The following MAP4K5 variants were observed in gnomAD, a reference collection of about 807,000 sequenced individuals.
MAP4K5 encodes mitogen-activated protein kinase kinase kinase kinase 5, also known as MAPK/ERK kinase kinase kinase 5.
Under a neutral mutation model 135.6 loss-of-function variants are expected in MAP4K5, and 82 were observed. The ratio of observed to expected loss-of-function variants is 0.60; its 90% CI spans 0.51 to 0.73. MAP4K5 has a LOEUF of 0.73. Among genes scored for constraint, MAP4K5 ranks in the 30% least tolerant of loss-of-function variants. The pLI is 0.00. For missense variants in MAP4K5, 907 were observed against 1,010.9 expected (o/e 0.90, Z 1.39); for synonymous variants, 347 against 335.0 (o/e 1.04, Z -0.39).
Position 50,445,098 on chromosome 14 carries a change from T to G in MAP4K5, c.1282A>C (p.Ile428Leu). The G allele has an allele frequency of 6.2e-7, 1 of 1,613,694 alleles. No individual in the cohort carries two copies. Among genetic ancestry groups the G allele is most frequent in the Non-Finnish European group, 8.5e-7 (1 of 1,179,710 alleles). Residue 428 changes from isoleucine (I) to leucine (L), a missense_variant, in exon 18 of 33, where the codon ATT (isoleucine) becomes CTT (leucine). By Grantham distance (5) the Ile-to-Leu change is conservative. Around this residue, in one of 3 missense-constraint regions of MAP4K5, gnomAD observed 690 missense variants for 777.4 expected, o/e 0.89. Transcript: ENST00000682126. The stretch of plus-strand genomic sequence containing the variant: ...CTTGGGCTACTCTGTCTTCTGAGAA[T>G]TTGGGGAGCTCTGCTTTCTGAATCA... ...CPDSESRAPQ[I>L]LRRQSSPSCG...
rs45551240 is a variant in MAP4K5, at chr14:50,443,706, G to A, written c.1479+23C>T. The stretch of plus-strand genomic sequence containing the variant: ...CTAAAGAGAGAAAAAACGGCAAATA[G>A]TTCACATAAAAATATTCCTTACCAG... On this transcript the variant is annotated intron_variant, in intron 20 of 32. Transcript: ENST00000682126. The A allele has an allele frequency of 8.7e-4, 1,374 of 1,571,314 alleles. 4 individuals carry two copies. The highest frequency in any genetic ancestry group is 3.6e-3 in the Middle Eastern group (21 of 5,856).
chr14:50,418,630 C>T lies in MAP4K5; in HGVS notation c.*1389G>A, dbSNP rs750822679. ...AACTTGCTGTGTAAATTGGATAGAT[C>T]TCTTAACCTTGCTAAACCCTTACTT... On this transcript the variant is annotated 3_prime_UTR_variant, in exon 33 of 33. Transcript: ENST00000682126. 4 of 152,612 alleles carry T rather than the reference C, an allele frequency of 2.6e-5. No homozygotes were observed. Among genetic ancestry groups the T allele is most frequent in the South Asian group, 2.1e-4 (1 of 4,830 alleles). 9.5% of individuals were successfully genotyped at this position (152,612 alleles called of 1,614,324 possible). A position where few individuals can be genotyped will look rare whatever the true frequency, so the allele number is the denominator to read the frequency against.
chr14:50,453,930 A>G (rs1464473643), intron 14 of MAP4K5, among the ~76,000 whole-genome samples: 2 of 152,120 alleles, frequency 1.3e-5, no homozygotes, highest in East Asian at 3.8e-4. Context: ...GTGGTCTTAG[A>G]CTGATTGGGT....
chr14:50,481,181 T>C (rs879412650), intron 6 of MAP4K5, among the ~76,000 whole-genome samples: 7 of 151,714 alleles, frequency 4.6e-5, no homozygotes, highest in Non-Finnish European at 1.0e-4. Context: ...CTGCTATGAG[T>C]GTATAATTAA....
At chr14:50,473,828 C>T (rs1186192433) in intron 9 of MAP4K5, among the ~76,000 whole-genome samples, 1 of 151,300 alleles carries the variant, frequency 6.6e-6, no homozygotes, top group Non-Finnish European at 1.5e-5. Context: ...GGTTCACGCC[C>T]TTCTCCTGCC....
chr14:50,510,488 C>T (rs979258629), intron 2 of MAP4K5, among the ~76,000 whole-genome samples: 9 of 152,134 alleles, frequency 5.9e-5, no homozygotes, highest in African/African-American at 1.9e-4. Flanking sequence ...AAAGGCTGTG[C>T]CACATGGTAG....
At chr14:50,462,832 T>G (rs978934541) in intron 12 of MAP4K5, 51 bp from the exon 13 acceptor site, 24 of 1,008,728 alleles carry the variant, frequency 2.4e-5, no homozygotes, top group Non-Finnish European at 3.8e-5. Flanking sequence ...CATCTATGGC[T>G]TAAAGAAAAT....
chr14:50,525,508 T>C (rs1595549172), intron 2 of MAP4K5, among the ~76,000 whole-genome samples: 1 of 152,144 alleles, frequency 6.6e-6, no homozygotes, highest in Non-Finnish European at 1.5e-5. Flanking sequence ...GTAAAATCCT[T>C]ACACTACACT....
At chr14:50,503,257 A>C (rs1353609881) in intron 3 of MAP4K5, among the ~76,000 whole-genome samples, 1 of 152,128 alleles carries the variant, frequency 6.6e-6, no homozygotes, top group Non-Finnish European at 1.5e-5. Flanking sequence ...AGGCAACCAA[A>C]AAAATTTTTA....
upstream of MAP4K5, among the ~76,000 whole-genome samples, chr14:50,536,305 A>G: frequency 6.6e-6 from 1 of 152,084 alleles, no homozygotes; most frequent in Non-Finnish European, 1.5e-5. Context: ...GCATGGTGGT[A>G]CATGCCTGTA....
intron 3 of MAP4K5, among the ~76,000 whole-genome samples, chr14:50,499,200 G>A (rs1013703780): frequency 6.6e-6 from 1 of 151,538 alleles, no homozygotes; most frequent in Non-Finnish European, 1.5e-5. Context: ...TAAGACAACA[G>A]TGCTTCAAAC....
intron 9 of MAP4K5, 23 bp downstream of exon 9, chr14:50,475,054 A>G: frequency 6.3e-7 from 1 of 1,586,184 alleles, no homozygotes; most frequent in Non-Finnish European, 8.7e-7. Flanking sequence ...AATGGATCAA[A>G]TTCAATCACA....
intron 1 of MAP4K5, among the ~76,000 whole-genome samples, chr14:50,555,641 T>C (rs1287807103): frequency 6.6e-6 from 1 of 152,194 alleles, no homozygotes. Flanking sequence ...GCTCAGATTA[T>C]TTCATAAGAC....
chr14:50,524,114 T>C (rs534149530), intron 2 of MAP4K5, among the ~76,000 whole-genome samples: 3 of 152,360 alleles, frequency 2.0e-5, no homozygotes, highest in East Asian at 3.9e-4. Flanking sequence ...TAGAATTCCA[T>C]CTCTAAACTC....
chr14:50,545,825 G>A (rs374514102), intron 1 of MAP4K5, among the ~76,000 whole-genome samples: 13 of 152,256 alleles, frequency 8.5e-5, no homozygotes, highest in East Asian at 7.7e-4. Flanking sequence ...TTTCTAGGAC[G>A]CCAGCTGGTT....
intron 13 of MAP4K5, among the ~76,000 whole-genome samples, chr14:50,458,132 A>G (rs943263523): frequency 2.0e-5 from 3 of 151,998 alleles, no homozygotes; most frequent in East Asian, 1.9e-4. Context: ...ACATTCTTCA[A>G]ACCTACCCAT....
At chr14:50,451,148 CA>C (rs1388819655) in intron 14 of MAP4K5, among the ~76,000 whole-genome samples, 4 of 151,648 alleles carry the variant, frequency 2.6e-5, no homozygotes, top group Non-Finnish European at 5.9e-5. Flanking sequence ...AGTCTAGATC[CA>C]AAAAATGCTT....
At chr14:50,458,985 A>AT (rs961807223) in intron 13 of MAP4K5, among the ~76,000 whole-genome samples, 4 of 151,816 alleles carry the variant, frequency 2.6e-5, no homozygotes, top group East Asian at 1.9e-4. Context: ...ATTTTAAAAC[A>AT]TTTTTTGTAG....
intron 2 of MAP4K5, among the ~76,000 whole-genome samples, chr14:50,518,846 G>A (rs767738367): frequency 1.9e-4 from 29 of 152,214 alleles, no homozygotes; most frequent in Non-Finnish European, 4.0e-4. Context: ...AAAGGAAAGG[G>A]AGGAAAGGGC....
Sources: allele counts gnomAD v4.1 joint callset (sites outside exome capture counted in the v4.1 genomes callset), GRCh38; gene constraint gnomAD v4.1.1; regional missense constraint gnomAD v4.1.1; transcripts MANE v1.5; gene names NCBI Gene and HGNC (gene_info 2026-07-23, HGNC 2026-07-21).